Variants in NEK7 observed in about 807,000 individuals in gnomAD.
NEK7 encodes the protein serine/threonine-protein kinase Nek7.
Under a neutral mutation model 44.6 loss-of-function variants are expected in NEK7, and 18 were observed. The ratio of observed to expected loss-of-function variants is 0.40; its 90% CI spans 0.28 to 0.60. The LOEUF (loss-of-function observed/expected upper bound fraction) is 0.60, where lower values mean the gene tolerates loss of function less well. NEK7 is among the 20% of genes least tolerant of loss of function. NEK7 has a pLI of 0.38. For synonymous variants in NEK7, 130 were observed against 121.1 expected (o/e 1.07, Z -0.48); for missense variants, 256 against 366.5 (o/e 0.70, Z 2.46).
rs372899883 is a variant in NEK7 at position 198,296,924 on chromosome 1, G to GA, written c.685-195dup. Among the ~76,000 whole-genome samples, 49 of 151,688 alleles carry GA rather than the reference G, an allele frequency of 3.2e-4. 1 individual carries two copies. The South Asian group carries it at 9.6e-3, about 30-fold the overall frequency. ...CTATTTTAGGGAATTTTAAATGTTG[G>GA]AAAAAAAATAACCAAAAGTTGCAGT... On this transcript the variant is annotated intron_variant, in intron 8 of 9. Coordinates refer to ENST00000367385, the MANE Select transcript of NEK7 (RefSeq NM_133494.3).
chr1:198,314,074 C>G (rs1463744714), intron 9 of NEK7, among the ~76,000 whole-genome samples: 1 of 152,156 alleles, frequency 6.6e-6, no homozygotes, highest in Non-Finnish European at 1.5e-5. Context: ...GTACACCAAT[C>G]AGACGTAGAT....
At chr1:198,254,853 T>C (rs886516695) in intron 3 of NEK7, among the ~76,000 whole-genome samples, 1 of 152,156 alleles carries the variant, frequency 6.6e-6, no homozygotes, top group African/African-American at 2.4e-5. Flanking sequence ...CAATATGGGA[T>C]GTAGTTATTA....
At chr1:198,290,626 A>T (rs1360876696) in intron 7 of NEK7, among the ~76,000 whole-genome samples, 3 of 152,276 alleles carry the variant, frequency 2.0e-5, no homozygotes, top group Admixed American at 1.3e-4. Context: ...TTCCCTAGTG[A>T]ATTATGAATT....
rs1297296217 is a variant in NEK7 at position 198,267,034 on chromosome 1, T to C, written c.372+2799T>C. On this transcript the variant is annotated intron_variant, in intron 5 of 9. Transcript: ENST00000367385. ...GTGTCTGTTACTGTTCTCTCCTCCT[T>C]CTCTCCTGTTACCGTATTCTTGTTA... Among the ~76,000 whole-genome samples, 6 of 152,052 alleles carry C rather than the reference T, an allele frequency of 3.9e-5. No individual in the cohort carries two copies. The East Asian group carries it at 1.2e-3, about 29-fold the overall frequency.
At chr1:198,219,204 G>A (rs546018327) in intron 1 of NEK7, among the ~76,000 whole-genome samples, 3 of 150,866 alleles carry the variant, frequency 2.0e-5, no homozygotes, top group African/African-American at 7.3e-5. Flanking sequence ...ATTGGTGTGT[G>A]TGTGTATATA....
In NEK7 at chr1:198,275,353, C is replaced by T. The variant is rs944527390; in HGVS notation, c.373-2608C>T. 1.7e-4 allele frequency among the ~76,000 whole-genome samples: 25 copies of T among 151,080 alleles called. No homozygotes were observed. In the East Asian group the frequency reaches 3.3e-3, roughly 20 times the overall value. ...CATAGCATAAATATTGTAAAAGCGC[C>T]CTGTCACATATTCTTTCATTTTCTT... is the stretch of plus-strand genomic sequence containing the variant. On this transcript the variant is annotated intron_variant, in intron 5 of 9. Transcript: ENST00000367385.
At chr1:198,188,999 A>G (rs1326328672) in intron 1 of NEK7, among the ~76,000 whole-genome samples, 1 of 152,164 alleles carries the variant, frequency 6.6e-6, no homozygotes, top group Non-Finnish European at 1.5e-5. Flanking sequence ...ATGAGTAGAA[A>G]GTGATGATTT....
At chr1:198,295,728 G>A (rs964635577) in intron 8 of NEK7, among the ~76,000 whole-genome samples, 3 of 151,108 alleles carry the variant, frequency 2.0e-5, no homozygotes, top group East Asian at 1.9e-4. Flanking sequence ...TTGCAAACAC[G>A]GAGAGACTAT....
chr1:198,168,499 A>G (rs1370527986), intron 1 of NEK7, among the ~76,000 whole-genome samples: 1 of 152,032 alleles, frequency 6.6e-6, no homozygotes, highest in Non-Finnish European at 1.5e-5. Context: ...GCATTTTGAG[A>G]ATGTTTGAAA....
At chr1:198,195,544 G>A (rs1489487204) in intron 1 of NEK7, among the ~76,000 whole-genome samples, 1 of 152,204 alleles carries the variant, frequency 6.6e-6, no homozygotes, top group Non-Finnish European at 1.5e-5. Flanking sequence ...ATATGGGCCA[G>A]GCGTGGTGGC....
At chr1:198,302,725 A>G (rs920214311) in intron 9 of NEK7, among the ~76,000 whole-genome samples, 11 of 152,078 alleles carry the variant, frequency 7.2e-5, no homozygotes, top group African/African-American at 2.4e-4. Flanking sequence ...TCAACTTTTG[A>G]AATCACATTT....
chr1:198,238,346 G>T (rs1571560950), intron 2 of NEK7, among the ~76,000 whole-genome samples: 1 of 152,148 alleles, frequency 6.6e-6, no homozygotes, highest in African/African-American at 2.4e-5. Context: ...TTTCAGAGGG[G>T]CAAGGGGCGG....
At chr1:198,212,251 G>T (rs1199120250) in intron 1 of NEK7, among the ~76,000 whole-genome samples, 1 of 152,226 alleles carries the variant, frequency 6.6e-6, no homozygotes, top group East Asian at 1.9e-4. Context: ...AGCCACAGGT[G>T]CAGGAGCTGG....
At chr1:198,246,041 TTGA>T (rs1666826350) in intron 2 of NEK7, among the ~76,000 whole-genome samples, 3 of 152,216 alleles carry the variant, frequency 2.0e-5, no homozygotes, top group Non-Finnish European at 1.5e-5. Flanking sequence ...GGGAACCCGT[TTGA>T]TGATACCATT....
At chr1:198,298,376 T>C (rs770093303) in intron 9 of NEK7, among the ~76,000 whole-genome samples, 14 of 152,220 alleles carry the variant, frequency 9.2e-5, no homozygotes, top group Non-Finnish European at 2.9e-5. Context: ...GTTCCTAGAA[T>C]ATAATAGGCA....
chr1:198,183,859 A>G (rs1251145095), intron 1 of NEK7, among the ~76,000 whole-genome samples: 1 of 152,220 alleles, frequency 6.6e-6, no homozygotes, highest in Non-Finnish European at 1.5e-5. Context: ...AATGTCATTC[A>G]TAATTCTGAA....
At chr1:198,249,691 A>T (rs1652849733) in intron 2 of NEK7, among the ~76,000 whole-genome samples, 1 of 149,902 alleles carries the variant, frequency 6.7e-6, no homozygotes. Flanking sequence ...TCTTCTTTTG[A>T]GAAGTGTCTG....
chr1:198,169,629 CT>C (rs1327754512), intron 1 of NEK7, among the ~76,000 whole-genome samples: 1 of 146,426 alleles, frequency 6.8e-6, no homozygotes, highest in Non-Finnish European at 1.5e-5. Flanking sequence ...CCCTTTCTGG[CT>C]TCTCCACTCT....
chr1:198,232,755 G>C, intron 2 of NEK7, 118 bp downstream of exon 2: 3 of 511,222 alleles, frequency 5.9e-6, no homozygotes. Context: ...TGCTAATTTT[G>C]AATTTCCAAG....
Sources: gnomAD v4.1 joint callset for allele counts (sites outside exome capture counted in the v4.1 genomes callset) on GRCh38, gnomAD v4.1.1 for gene constraint, MANE v1.5 for transcripts, NCBI Gene and HGNC (gene_info 2026-07-23, HGNC 2026-07-21) for gene names.